Variants in CCDC73 observed in about 807,000 individuals in gnomAD.
CCDC73 encodes the protein coiled-coil domain-containing protein 73.
Under a neutral mutation model 116.5 loss-of-function variants are expected in CCDC73, and 95 were observed. The observed-to-expected ratio is 0.82, with a 90% CI of 0.69 to 0.97. The LOEUF is 0.97. Ranked by LOEUF, CCDC73 falls within the 50% of genes least tolerant of loss-of-function variation. CCDC73 has a pLI of 0.00. For synonymous variants in CCDC73, 398 were observed against 401.3 expected (o/e 0.99, Z 0.10); for missense variants, 1,066 against 1,206.8 (o/e 0.88, Z 1.73).
At chr11:32,735,872 T>C (rs1850125131) in intron 2 of CCDC73, among the ~76,000 whole-genome samples, 1 of 152,208 alleles carries the variant, frequency 6.6e-6, no homozygotes, top group East Asian at 1.9e-4. Flanking sequence ...TACAACCATC[T>C]GATCTTTGAC....
At chr11:32,630,899 T>C (rs1855625950) in intron 14 of CCDC73, among the ~76,000 whole-genome samples, 1 of 152,076 alleles carries the variant, frequency 6.6e-6, no homozygotes, top group African/African-American at 2.4e-5. Flanking sequence ...ATAATACAAA[T>C]GTTAATCAAA....
intron 16 of CCDC73, among the ~76,000 whole-genome samples, chr11:32,611,589 C>A (rs1056581754): frequency 7.9e-5 from 12 of 152,124 alleles, no homozygotes; most frequent in Non-Finnish European, 1.5e-4. Context: ...TACTGTATTT[C>A]CCACACATGT....
intron 10 of CCDC73, 98 bp downstream of exon 10, chr11:32,654,746 C>G (rs897835387): frequency 2.0e-5 from 19 of 928,658 alleles, no homozygotes; most frequent in Admixed American, 3.3e-5. Context: ...TGCATATTGA[C>G]TTTGCAAAGG....
intron 12 of CCDC73, among the ~76,000 whole-genome samples, chr11:32,651,085 A>T (rs1855822206): frequency 1.3e-5 from 2 of 152,142 alleles, no homozygotes; most frequent in South Asian, 4.1e-4. Flanking sequence ...AGTGAGAGCC[A>T]CCAGCTACCA....
the CCDC73 span, among the ~76,000 whole-genome samples, chr11:32,819,121 T>C: frequency 2.0e-5 from 3 of 151,998 alleles, no homozygotes; most frequent in Admixed American, 6.6e-5. Flanking sequence ...CATTCATTCT[T>C]ATGTCCCCCA....
chr11:32,800,132 T>C, the CCDC73 span, among the ~76,000 whole-genome samples: 1 of 152,338 alleles, frequency 6.6e-6, no homozygotes, highest in South Asian at 2.1e-4. Context: ...TCTAGCTTTT[T>C]ACTTTGTATA....
chr11:32,683,851 T>TA (rs2133296028), intron 6 of CCDC73, among the ~76,000 whole-genome samples: 1 of 152,248 alleles, frequency 6.6e-6, no homozygotes, highest in South Asian at 2.1e-4. Context: ...GTATGCATGT[T>TA]AGAGAGTGAT....
chr11:32,721,468 C>T (rs540391640), intron 2 of CCDC73, among the ~76,000 whole-genome samples: 1 of 152,234 alleles, frequency 6.6e-6, no homozygotes, highest in African/African-American at 2.4e-5. Context: ...TGAGTGTTCA[C>T]TGTAAAATTC....
intron 3 of CCDC73, 25 bp from the exon 4 acceptor site, chr11:32,702,969 A>G: frequency 6.7e-7 from 1 of 1,501,776 alleles, no homozygotes. Context: ...ATGACAAGTT[A>G]AAACACAAAT....
At chr11:32,730,600 GT>G (rs1313068283) in intron 2 of CCDC73, among the ~76,000 whole-genome samples, 1 of 152,058 alleles carries the variant, frequency 6.6e-6, no homozygotes, top group East Asian at 1.9e-4. Context: ...TTAAGATTCT[GT>G]TTGGTTTTCA....
intron 2 of CCDC73, among the ~76,000 whole-genome samples, chr11:32,755,747 G>GTA (rs548989319): frequency 7.4e-5 from 2 of 26,858 alleles, no homozygotes; most frequent in East Asian, 2.3e-3. Flanking sequence ...ATATATATGT[G>GTA]TATATATATA....
intron 1 of CCDC73, among the ~76,000 whole-genome samples, chr11:32,776,976 T>C (rs2223885): frequency 0.1 from 11,484 of 111,396 alleles, 591 homozygotes; most frequent in South Asian, 0.15. Flanking sequence ...CACACACATA[T>C]ATATATACAC....
chr11:32,717,687 A>C (rs953858158), intron 3 of CCDC73, among the ~76,000 whole-genome samples: 2 of 152,190 alleles, frequency 1.3e-5, no homozygotes, highest in African/African-American at 4.8e-5. Context: ...ATCTGAGAGA[A>C]AAAAAATACT....
At chr11:32,739,673 T>A (rs1313562117) in intron 2 of CCDC73, among the ~76,000 whole-genome samples, 2 of 152,176 alleles carry the variant, frequency 1.3e-5, no homozygotes, top group Non-Finnish European at 2.9e-5. Context: ...CTTTCCAATT[T>A]GGATGCCCTT....
At chr11:32,663,101 T>C (rs1403833403) in intron 9 of CCDC73, among the ~76,000 whole-genome samples, 6 of 152,218 alleles carry the variant, frequency 3.9e-5, no homozygotes, top group Non-Finnish European at 8.8e-5. Flanking sequence ...CCTTGTAGTA[T>C]AGTTTGAAGT....
rs1855448336 is a variant in CCDC73 at position 32,614,027 on chromosome 11, A to G, written c.2291T>C (p.Leu764Ser). The G allele has an allele frequency of 6.2e-7, 1 of 1,612,120 alleles. No individual in the cohort carries two copies. Among genetic ancestry groups the G allele is most frequent in the Admixed American group, 1.7e-5 (1 of 59,994 alleles). The change falls in exon 16 of 18, where the codon TTG becomes TCG. Residue 764 changes from leucine to serine, a missense_variant. Coordinates refer to ENST00000335185, the MANE Select transcript of CCDC73 (RefSeq NM_001008391.4). ...CACATTAGTGTTTTCTAAGTATCCCAAACAGTTATTAAATTGACTGTTTTG... is the reference window on the plus strand; with the variant it reads ...CACATTAGTGTTTTCTAAGTATCCCGAACAGTTATTAAATTGACTGTTTTG... ...DMQNSQFNNC[L>S]GYLENTNVNI...
chr11:32,784,322 TC>T (rs1850608613), intron 1 of CCDC73, among the ~76,000 whole-genome samples: 1 of 119,110 alleles, frequency 8.4e-6, no homozygotes, highest in Non-Finnish European at 1.8e-5. Context: ...AGAGTGAAAG[TC>T]CGTCTCAAAA....
At chr11:32,693,950 C>A (rs1237830436) in intron 6 of CCDC73, among the ~76,000 whole-genome samples, 1 of 152,180 alleles carries the variant, frequency 6.6e-6, no homozygotes, top group African/African-American at 2.4e-5. Flanking sequence ...AAACCCACAG[C>A]CAATATCATA....
At chr11:32,670,928 T>C (rs928906794) in intron 9 of CCDC73, among the ~76,000 whole-genome samples, 1 of 152,208 alleles carries the variant, frequency 6.6e-6, no homozygotes, top group African/African-American at 2.4e-5. Context: ...CTTTTTCTTT[T>C]ATATATTAAT....
Sources: gnomAD v4.1 joint callset for allele counts (sites outside exome capture counted in the v4.1 genomes callset) on GRCh38, gnomAD v4.1.1 for gene constraint, MANE v1.5 for transcripts, NCBI Gene and HGNC (gene_info 2026-07-23, HGNC 2026-07-21) for gene names.